The following DNAI7 variants were observed in gnomAD, a reference collection of about 807,000 sequenced individuals.
DNAI7 encodes dynein axonemal intermediate chain 7.
DNAI7 carries 78 observed loss-of-function variants against 86.6 expected under a neutral mutation model. The ratio of observed to expected loss-of-function variants is 0.90; its 90% CI spans 0.75 to 1.09. The LOEUF (loss-of-function observed/expected upper bound fraction) is 1.09. Among genes scored for constraint, DNAI7 ranks in the 50% least tolerant of loss-of-function variants. The pLI, the probability that DNAI7 is intolerant of heterozygous loss-of-function variation, is 0.00. For synonymous variants in DNAI7, 274 were observed against 273.0 expected (o/e 1.00, Z -0.04); for missense variants, 753 against 810.2 (o/e 0.93, Z 0.86).
intron 12 of DNAI7, among the ~76,000 whole-genome samples, chr12:25,118,592 C>CA (rs1455637021): frequency 6.6e-6 from 1 of 151,696 alleles, no homozygotes; most frequent in Non-Finnish European, 1.5e-5. Context: ...GACAGAGTCT[C>CA]ACTCTGTCGC....
At chr12:25,151,727 A>T (rs1378452130) in intron 6 of DNAI7, among the ~76,000 whole-genome samples, 2 of 152,242 alleles carry the variant, frequency 1.3e-5, no homozygotes, top group Admixed American at 1.3e-4. Flanking sequence ...CTCAGACTGC[A>T]CGGGAGACTC....
chr12:25,149,591 TATAAAACTTAATA>T (rs1945257715), intron 7 of DNAI7, 24 bp downstream of exon 7: 1 of 1,449,356 alleles, frequency 6.9e-7, no homozygotes, highest in Admixed American at 2.1e-5. Flanking sequence ...TGTTAGCTCT[TATAAAACTTAATA>T]TATAAGCAAA....
At chr12:25,176,847 T>C (rs1367295185) in intron 2 of DNAI7, among the ~76,000 whole-genome samples, 4 of 151,858 alleles carry the variant, frequency 2.6e-5, no homozygotes, top group African/African-American at 9.7e-5. Flanking sequence ...TGATTTGCTT[T>C]TTTTAATTGT....
intron 2 of DNAI7, among the ~76,000 whole-genome samples, chr12:25,173,323 A>C (rs1330766246): frequency 1.3e-5 from 2 of 152,216 alleles, no homozygotes; most frequent in African/African-American, 2.4e-5. Context: ...GAAGATATAC[A>C]AATGGCCAAT....
At chr12:25,191,836 A>C (rs964217873) in intron 1 of DNAI7, among the ~76,000 whole-genome samples, 3 of 152,244 alleles carry the variant, frequency 2.0e-5, no homozygotes, top group Non-Finnish European at 2.9e-5. Flanking sequence ...AAAAAGACTC[A>C]CAGTTACAAT....
intron 6 of DNAI7, among the ~76,000 whole-genome samples, chr12:25,150,371 A>G (rs537567456): frequency 7.9e-5 from 12 of 152,222 alleles, no homozygotes; most frequent in East Asian, 5.8e-4. Context: ...TTGGGAGGCC[A>G]AGGCGGGCAG....
chr12:25,174,338 GAT>G (rs1438044430), intron 2 of DNAI7, among the ~76,000 whole-genome samples: 1 of 122,142 alleles, frequency 8.2e-6, no homozygotes, highest in African/African-American at 3.1e-5. Context: ...TATCATATAT[GAT>G]ATATATATGA....
Position 25,110,184 on chromosome 12 carries a change from A to G in DNAI7, c.1836T>C (p.Phe612=). Residue 612 remains phenylalanine, a synonymous_variant, in exon 15 of 16, where the codon TTT becomes TTC. Coordinates refer to ENST00000395987, the MANE Select transcript of DNAI7 (RefSeq NM_018272.5). ...YRQMALLSSA[F]AFGWSKWNLL... ...GGTTCCACTTGCTCCAACCAAATGC[A>G]AAAGCAGAACTTAGTAGGGCCATCT... 6.2e-7 allele frequency: 1 copy of G among 1,613,396 alleles called. No individual in the cohort carries two copies. The highest frequency in any genetic ancestry group is 2.2e-5 in the East Asian group (1 of 44,888).
At chr12:25,133,305 C>T (rs2140650401) in intron 9 of DNAI7, among the ~76,000 whole-genome samples, 1 of 152,232 alleles carries the variant, frequency 6.6e-6, no homozygotes, top group East Asian at 1.9e-4. Context: ...ACTCCTATTT[C>T]TATCCATCAT....
At chr12:25,194,977 G>A (rs1489875601) in intron 1 of DNAI7, 99 bp downstream of exon 1, 1 of 1,614,210 alleles carries the variant, frequency 6.2e-7, no homozygotes, top group African/African-American at 1.3e-5. Flanking sequence ...GACCCGCTTC[G>A]CTGTAAAATA....
intron 9 of DNAI7, among the ~76,000 whole-genome samples, chr12:25,124,687 CAG>C (rs1941855687): frequency 6.6e-6 from 1 of 152,020 alleles, no homozygotes; most frequent in Non-Finnish European, 1.5e-5. Context: ...ACTCAGGTCA[CAG>C]GGGTTTGTTG....
At chr12:25,174,694 T>C (rs1948751840) in intron 2 of DNAI7, among the ~76,000 whole-genome samples, 1 of 130,268 alleles carries the variant, frequency 7.7e-6, no homozygotes, top group Admixed American at 8.6e-5. Flanking sequence ...ATATATGGAA[T>C]ATAGATATCA....
At chr12:25,184,908 T>C (rs922856859) in intron 2 of DNAI7, among the ~76,000 whole-genome samples, 1 of 151,176 alleles carries the variant, frequency 6.6e-6, no homozygotes, top group Non-Finnish European at 1.5e-5. Context: ...CAAAGCAGAA[T>C]TGCTTGAGCC....
intron 9 of DNAI7, among the ~76,000 whole-genome samples, chr12:25,127,009 C>T (rs1942227360): frequency 6.6e-6 from 1 of 152,136 alleles, no homozygotes; most frequent in Non-Finnish European, 1.5e-5. Context: ...TCTATAGTAC[C>T]ACATCATAAA....
intron 9 of DNAI7, among the ~76,000 whole-genome samples, chr12:25,140,848 G>A (rs1944105840): frequency 6.6e-6 from 1 of 152,054 alleles, no homozygotes; most frequent in African/African-American, 2.4e-5. Flanking sequence ...GCATGGTACT[G>A]GTATAAAAAT....
At chr12:25,162,266 A>C (rs1946914199) in intron 2 of DNAI7, among the ~76,000 whole-genome samples, 1 of 152,186 alleles carries the variant, frequency 6.6e-6, no homozygotes, top group African/African-American at 2.4e-5. Flanking sequence ...AAGGAGAGGA[A>C]AGAGGAGAGA....
At chr12:25,109,863 A>C (rs997093426) in intron 15 of DNAI7, among the ~76,000 whole-genome samples, 1 of 151,868 alleles carries the variant, frequency 6.6e-6, no homozygotes, top group Non-Finnish European at 1.5e-5. Context: ...TTTTTGGTAG[A>C]AACGGGGTTT....
intron 2 of DNAI7, among the ~76,000 whole-genome samples, chr12:25,164,201 C>A (rs1947161647): frequency 6.6e-6 from 1 of 151,408 alleles, no homozygotes; most frequent in South Asian, 2.1e-4. Flanking sequence ...CCCTTCTCCA[C>A]TTTTCTGCGG....
chr12:25,118,709 A>G lies in DNAI7; in HGVS notation c.1396+436T>C, dbSNP rs149185917. ...CCCAAGTAGCTGGGATTACAGGTGC[A>G]CACCATCACGCCCAGCTAATTTTTG... On this transcript the variant is annotated intron_variant, in intron 12 of 15. Transcript: ENST00000395987. Among the ~76,000 whole-genome samples, 87 of 152,116 alleles carry G rather than the reference A, an allele frequency of 5.7e-4. 1 individual carries two copies. Among genetic ancestry groups the G allele is most frequent in the Non-Finnish European group, 9.4e-4 (64 of 67,968 alleles).
Sources: allele counts gnomAD v4.1 joint callset (sites outside exome capture counted in the v4.1 genomes callset), GRCh38; gene constraint gnomAD v4.1.1; transcripts MANE v1.5; gene names NCBI Gene and HGNC (gene_info 2026-07-23, HGNC 2026-07-21).